GPR158: variants seen among roughly 807,000 people sequenced by gnomAD.
GPR158 encodes the protein metabotropic glycine receptor.
A neutral mutation model predicts 78.2 loss-of-function variants in GPR158; 30 were observed. The ratio of observed to expected loss-of-function variants is 0.38; its 90% CI spans 0.29 to 0.52. GPR158 has a LOEUF of 0.52. Ranked by LOEUF, GPR158 falls within the 20% of genes least tolerant of loss-of-function variation. GPR158 has a pLI of 0.83. For synonymous variants in GPR158, 581 were observed against 591.1 expected, an observed-to-expected ratio of 0.98 and a Z score of 0.25; for missense variants, 1,463 against 1,523.5, an observed-to-expected ratio of 0.96 and a Z score of 0.66.
chr10:25,372,973 T>C (rs1385035040), intron 2 of GPR158, among the ~76,000 whole-genome samples: 2 of 151,950 alleles, frequency 1.3e-5, no homozygotes, highest in Non-Finnish European at 2.9e-5. Context: ...GGAATATAAA[T>C]TGTCTGTCAT....
At chr10:25,225,183 C>CTTTTTTTTTTTTTTTTT (rs60603738) in intron 2 of GPR158, among the ~76,000 whole-genome samples, 1 of 134,766 alleles carries the variant, frequency 7.4e-6, no homozygotes, top group African/African-American at 2.8e-5. Context: ...GAACATTTGC[C>CTTTTTTTTTTTTTTTTT]TTTTTTTTTT....
intron 4 of GPR158, among the ~76,000 whole-genome samples, chr10:25,450,694 T>G (rs1029460132): frequency 8.5e-5 from 13 of 152,188 alleles, no homozygotes; most frequent in Non-Finnish European, 1.6e-4. Context: ...TCTGTCTCCT[T>G]GCACTCATTT....
chr10:25,265,206 G>T (rs996372767), intron 2 of GPR158, among the ~76,000 whole-genome samples: 105 of 152,226 alleles, frequency 6.9e-4, no homozygotes, highest in African/African-American at 2.4e-3. Context: ...CTTTTGGGTT[G>T]GGCTCTGTGG....
chr10:25,288,929 AC>A (rs990307974), intron 2 of GPR158, among the ~76,000 whole-genome samples: 17 of 152,158 alleles, frequency 1.1e-4, no homozygotes, highest in African/African-American at 3.9e-4. Context: ...AAATTTATAT[AC>A]CCCTTAAGGG....
chr10:25,195,393 TC>T (rs781386844), intron 1 of GPR158, among the ~76,000 whole-genome samples: 35 of 151,902 alleles, frequency 2.3e-4, no homozygotes, highest in Non-Finnish European at 4.4e-4. Flanking sequence ...TTTTGTAGAG[TC>T]GGGGTTTCAT....
rs531011233 is a variant in GPR158, at chr10:25,396,363, T to C, written c.1111+350T>C. On this transcript the variant is annotated intron_variant, in intron 3 of 10. Coordinates refer to ENST00000376351, the MANE Select transcript of GPR158 (RefSeq NM_020752.3). ...AGTTTATTTTATTTATCAAGGTGTT[T>C]ATATGTTTTTAATGCTGCATAAAAA... Among the ~76,000 whole-genome samples, 17 of 152,316 alleles carry C rather than the reference T, an allele frequency of 1.1e-4. No homozygotes were observed. In the South Asian group the frequency reaches 3.5e-3, roughly 32 times the overall value.
chr10:25,535,562 A>C (rs534006231), intron 5 of GPR158, among the ~76,000 whole-genome samples: 7 of 152,352 alleles, frequency 4.6e-5, no homozygotes, highest in African/African-American at 1.7e-4. Context: ...GCTTGATTAC[A>C]GATGTGTGAG....
At chr10:25,384,125 G>A (rs990674455) in intron 2 of GPR158, among the ~76,000 whole-genome samples, 10 of 152,038 alleles carry the variant, frequency 6.6e-5, no homozygotes, top group African/African-American at 2.2e-4. Flanking sequence ...CATGCTTTGC[G>A]ATCTAGTTTC....
chr10:25,439,098 A>G (rs12243676), intron 4 of GPR158, among the ~76,000 whole-genome samples: 3,633 of 152,260 alleles, frequency 0.024, 157 homozygotes, highest in African/African-American at 0.083. Context: ...CATTACAGAA[A>G]AAGTCTTGTA....
chr10:25,370,637 A>G (rs1305206302), intron 2 of GPR158, among the ~76,000 whole-genome samples: 1 of 148,822 alleles, frequency 6.7e-6, no homozygotes, highest in Non-Finnish European at 1.5e-5. Context: ...AAAAAAATGT[A>G]TATTCTGTTG....
chr10:25,560,796 G>A (rs1022713978), intron 6 of GPR158, among the ~76,000 whole-genome samples: 4 of 152,202 alleles, frequency 2.6e-5, no homozygotes, highest in Non-Finnish European at 5.9e-5. Flanking sequence ...CAAAAGTAGA[G>A]CAATTAGGTC....
chr10:25,560,144 C>T (rs1031128248), intron 6 of GPR158, among the ~76,000 whole-genome samples: 1 of 152,192 alleles, frequency 6.6e-6, no homozygotes, highest in Non-Finnish European at 1.5e-5. Context: ...GTTACGTACT[C>T]ACACAGTGAA....
At chr10:25,371,287 G>T (rs112947169) in intron 2 of GPR158, among the ~76,000 whole-genome samples, 3,181 of 151,994 alleles carry the variant, frequency 0.021, 118 homozygotes, top group African/African-American at 0.072. Flanking sequence ...ATGTTGGAAT[G>T]ATTTTGCAGT....
intron 2 of GPR158, among the ~76,000 whole-genome samples, chr10:25,366,253 A>C (rs1210878240): frequency 2.0e-5 from 3 of 151,538 alleles, no homozygotes; most frequent in African/African-American, 7.3e-5. Flanking sequence ...CATACCTAGG[A>C]TTCAAATAGT....
chr10:25,374,168 A>G (rs984317100), intron 2 of GPR158, among the ~76,000 whole-genome samples: 6 of 151,518 alleles, frequency 4.0e-5, no homozygotes, highest in African/African-American at 1.2e-4. Flanking sequence ...ATGCCACTCT[A>G]TTTCTTAGAT....
intron 2 of GPR158, among the ~76,000 whole-genome samples, chr10:25,376,741 G>C (rs916339195): frequency 6.6e-6 from 1 of 151,574 alleles, no homozygotes; most frequent in Non-Finnish European, 1.5e-5. Context: ...AACTTTTACT[G>C]TTGATGGATA....
At chr10:25,359,661 A>T (rs1009732742) in intron 2 of GPR158, among the ~76,000 whole-genome samples, 1 of 152,132 alleles carries the variant, frequency 6.6e-6, no homozygotes, top group Non-Finnish European at 1.5e-5. Context: ...TCTATCATTG[A>T]TGGGCATTTT....
intron 2 of GPR158, among the ~76,000 whole-genome samples, chr10:25,364,740 A>G (rs1855693501): frequency 6.6e-6 from 1 of 151,844 alleles, no homozygotes. Flanking sequence ...GAGAGCTGTC[A>G]ATTATAGTTG....
chr10:25,399,159 G>A (rs948434539), intron 3 of GPR158, among the ~76,000 whole-genome samples: 2 of 152,062 alleles, frequency 1.3e-5, no homozygotes, highest in Non-Finnish European at 1.5e-5. Context: ...AGTGTCGAGC[G>A]AAGGGGGAAG....
Sources: gnomAD v4.1 joint callset for allele counts (sites outside exome capture counted in the v4.1 genomes callset) on GRCh38, gnomAD v4.1.1 for gene constraint, MANE v1.5 for transcripts, NCBI Gene and HGNC (gene_info 2026-07-23, HGNC 2026-07-21) for gene names.